The following ACER2 variants were observed in gnomAD, a reference collection of about 807,000 sequenced individuals.
ACER2 encodes alkaline ceramidase 2.
Under a neutral mutation model 34.7 loss-of-function variants are expected in ACER2, and 26 were observed. The observed-to-expected ratio is 0.75, with a 90% CI of 0.55 to 1.04. The LOEUF (loss-of-function observed/expected upper bound fraction) is 1.04. Ranked by LOEUF, ACER2 falls within the 50% of genes least tolerant of loss-of-function variation. The pLI is 0.00. For missense variants in ACER2, 352 were observed against 340.8 expected (o/e 1.03, Z -0.26); for synonymous variants, 138 against 132.1 (o/e 1.04, Z -0.31).
chr9:19,419,108 T>G (rs1361119698), intron 1 of ACER2, among the ~76,000 whole-genome samples: 1 of 152,052 alleles, frequency 6.6e-6, no homozygotes, highest in Non-Finnish European at 1.5e-5. Context: ...GGAGAATTGC[T>G]TGAACCCAGG....
At chr9:19,432,391 G>A (rs565131029) in intron 3 of ACER2, among the ~76,000 whole-genome samples, 3 of 152,054 alleles carry the variant, frequency 2.0e-5, no homozygotes, top group African/African-American at 7.2e-5. Flanking sequence ...TGTTCACTTT[G>A]TAGAACGGGG....
At chr9:19,445,678 G>C (rs1180903468) in intron 4 of ACER2, among the ~76,000 whole-genome samples, 3 of 152,236 alleles carry the variant, frequency 2.0e-5, no homozygotes, top group African/African-American at 7.2e-5. Flanking sequence ...TCCTGCAGTG[G>C]CTTGAGTATG....
At position 19,423,931 on chromosome 9, in the gene ACER2, T is replaced by C; in HGVS notation, c.178T>C (p.Phe60Leu). 6.2e-7 allele frequency: 1 copy of C among 1,614,172 alleles called. No homozygotes were observed. ...MCLFRQYATC[F>L]NSGIYLIWTL... is the part of the protein sequence containing the mutation. Reference sequence around the variant, plus strand: ...CTTGTTTCGTCAGTATGCAACATGCTTCAACAGTGGCATCTACTTAATCTG... The same window carrying C: ...CTTGTTTCGTCAGTATGCAACATGCCTCAACAGTGGCATCTACTTAATCTG... Residue 60 changes from phenylalanine (F) to leucine (L), a missense_variant, in exon 2 of 6, where the codon TTC becomes CTC. Coordinates refer to ENST00000340967, the MANE Select transcript of ACER2 (RefSeq NM_001010887.3).
intron 1 of ACER2, among the ~76,000 whole-genome samples, chr9:19,415,776 G>T (rs889829656): frequency 6.6e-6 from 1 of 152,076 alleles, no homozygotes; most frequent in African/African-American, 2.4e-5. Context: ...GGTAGAAATC[G>T]CAATGCATTA....
In ACER2 at chr9:19,438,778, T is replaced by C. The variant is rs1387427221; in HGVS notation, c.503+3694T>C. Among the ~76,000 whole-genome samples, 6 of 152,296 alleles carry C rather than the reference T, an allele frequency of 3.9e-5. No homozygotes were observed. In the Middle Eastern group the frequency reaches 0.014, roughly 345 times the overall value. On this transcript the variant is annotated intron_variant, in intron 4 of 5. Transcript: ENST00000340967. ...TAAGAAAAGGGAAAGGGAAAGGTTT[T>C]TTGTTTGTTTGTTTGTTTTGTTTTT...
At chr9:19,417,084 TAGAC>T (rs10600054) in intron 1 of ACER2, among the ~76,000 whole-genome samples, 20,625 of 151,950 alleles carry the variant, frequency 0.14, 1,515 homozygotes, top group South Asian at 0.24. Flanking sequence ...ACACCAATAA[TAGAC>T]AGAGAGGCAA....
intron 4 of ACER2, among the ~76,000 whole-genome samples, chr9:19,440,231 C>T (rs533994906): frequency 6.6e-6 from 1 of 152,200 alleles, no homozygotes; most frequent in Admixed American, 6.5e-5. Context: ...CCCACTACCT[C>T]TCGGCAGCTC....
intron 1 of ACER2, among the ~76,000 whole-genome samples, chr9:19,421,573 G>A (rs1051336267): frequency 1.3e-5 from 2 of 152,142 alleles, no homozygotes; most frequent in African/African-American, 4.8e-5. Context: ...AAGGCAGATT[G>A]GTGAATGCCA....
At chr9:19,416,670 C>T (rs982872754) in intron 1 of ACER2, among the ~76,000 whole-genome samples, 3 of 151,450 alleles carry the variant, frequency 2.0e-5, no homozygotes, top group African/African-American at 7.3e-5. Flanking sequence ...GGATTACAGG[C>T]GCCCGCCACC....
At chr9:19,436,143 C>T (rs1433548555) in intron 4 of ACER2, among the ~76,000 whole-genome samples, 2 of 151,556 alleles carry the variant, frequency 1.3e-5, no homozygotes, top group Admixed American at 6.6e-5. Flanking sequence ...TCTCAAACTC[C>T]TGGCCTCAAG....
At chr9:19,427,621 CT>C (rs1830607937) in intron 3 of ACER2, among the ~76,000 whole-genome samples, 1 of 136,476 alleles carries the variant, frequency 7.3e-6, no homozygotes. Context: ...TCTCCCTTCC[CT>C]CCCTCCCCCC....
intron 1 of ACER2, among the ~76,000 whole-genome samples, chr9:19,421,900 G>A (rs1215336559): frequency 6.6e-6 from 1 of 152,180 alleles, no homozygotes; most frequent in Non-Finnish European, 1.5e-5. Context: ...TTAGTTGGCT[G>A]TTGAGCACAG....
chr9:19,421,764 A>G (rs1169563560), intron 1 of ACER2, among the ~76,000 whole-genome samples: 1 of 150,442 alleles, frequency 6.6e-6, no homozygotes, highest in South Asian at 2.1e-4. Flanking sequence ...TTTTACCTCA[A>G]TTTTTTAAAG....
At chr9:19,441,810 C>T (rs1831165423) in intron 4 of ACER2, among the ~76,000 whole-genome samples, 1 of 152,124 alleles carries the variant, frequency 6.6e-6, no homozygotes, top group Non-Finnish European at 1.5e-5. Flanking sequence ...CGGTTGTTTC[C>T]CTGCTTTGAT....
intron 1 of ACER2, among the ~76,000 whole-genome samples, chr9:19,420,937 C>T (rs968096479): frequency 4.6e-5 from 7 of 152,266 alleles, no homozygotes; most frequent in Admixed American, 3.3e-4. Flanking sequence ...GATGGGGATA[C>T]GTTCTGAGAA....
intron 3 of ACER2, among the ~76,000 whole-genome samples, chr9:19,430,751 A>T (rs553800594): frequency 6.6e-6 from 1 of 152,128 alleles, no homozygotes; most frequent in African/African-American, 2.4e-5. Context: ...TGAGGTCAGG[A>T]GTTTGAGACT....
chr9:19,423,769 C>G, intron 1 of ACER2, 93 bp from the exon 2 acceptor site: 1 of 910,968 alleles, frequency 1.1e-6, no homozygotes, highest in Non-Finnish European at 1.8e-6. Flanking sequence ...CACATTTATC[C>G]CAGTTTGCAA....
At chr9:19,442,887 C>T (rs554777722) in intron 4 of ACER2, among the ~76,000 whole-genome samples, 24 of 151,002 alleles carry the variant, frequency 1.6e-4, no homozygotes, top group Middle Eastern at 3.4e-3. Flanking sequence ...GGCTGGAGTG[C>T]GGTGGCACTA....
In ACER2 at chr9:19,417,440, C is replaced by A. The variant is rs185191894; in HGVS notation, c.109-6422C>A. Among the ~76,000 whole-genome samples the A allele has an allele frequency of 1.3e-3, 198 of 152,262 alleles. 1 individual carries two copies. Among genetic ancestry groups the A allele is most frequent in the Admixed American group, 6.3e-3 (96 of 15,286 alleles). On this transcript the variant is annotated intron_variant, in intron 1 of 5. Coordinates refer to ENST00000340967, the MANE Select transcript of ACER2 (RefSeq NM_001010887.3). ...GCATTCCTAAGCCAAAAGAACAAAG[C>A]TGGAGGCATCACGCTACCTGACTTC...
Sources: allele counts gnomAD v4.1 joint callset (sites outside exome capture counted in the v4.1 genomes callset), GRCh38; gene constraint gnomAD v4.1.1; transcripts MANE v1.5; gene names NCBI Gene and HGNC (gene_info 2026-07-23, HGNC 2026-07-21).